The following FNDC1 variants were observed in gnomAD, a reference collection of about 807,000 sequenced individuals.
FNDC1 encodes the protein fibronectin type III domain-containing protein 1.
Under a neutral mutation model 168.0 loss-of-function variants are expected in FNDC1, and 96 were observed. That is an observed-to-expected ratio of 0.57 (90% confidence interval 0.48 to 0.68). FNDC1 has a LOEUF of 0.68. Among genes scored for constraint, FNDC1 ranks in the 30% least tolerant of loss-of-function variants. The pLI, the probability that FNDC1 is intolerant of heterozygous loss-of-function variation, is 0.00. For synonymous variants in FNDC1, 1,099 were observed against 1,025.9 expected (o/e 1.07, Z -1.36); for missense variants, 2,587 against 2,482.1 (o/e 1.04, Z -0.90).
intron 4 of FNDC1, among the ~76,000 whole-genome samples, chr6:159,207,352 C>T (rs1363168948): frequency 6.6e-6 from 1 of 152,224 alleles, no homozygotes; most frequent in African/African-American, 2.4e-5. Flanking sequence ...TGGGTGGTCC[C>T]TGCCTGTGCC....
At chr6:159,204,870 T>A (rs1415066192) in intron 4 of FNDC1, among the ~76,000 whole-genome samples, 2 of 152,334 alleles carry the variant, frequency 1.3e-5, no homozygotes, top group East Asian at 3.9e-4. Context: ...GTCACCACTG[T>A]GCTCCAGCCC....
Position 159,232,842 on chromosome 6 carries a change from T to C in FNDC1, c.2330T>C (p.Val777Ala). 6.2e-7 allele frequency: 1 copy of C among 1,613,870 alleles called. No individual in the cohort carries two copies. Among genetic ancestry groups the C allele is most frequent in the Non-Finnish European group, 8.5e-7 (1 of 1,179,884 alleles). Residue 777 changes from valine to alanine, a missense_variant, in exon 11 of 23, where the codon GTC becomes GCC. Physicochemically the swap from Val to Ala is moderately conservative, Grantham distance 64. Transcript: ENST00000297267. This position sits in a 1 kb window ranked among gnomAD's most constrained non-coding sequence, Gnocchi z 4.9. ...TCTCATCTCTCGTCCAGGACGCAGGTCTCTGAGGGAGCGGAGGCTTCTGAT... is the reference window on the plus strand; with the variant it reads ...TCTCATCTCTCGTCCAGGACGCAGGCCTCTGAGGGAGCGGAGGCTTCTGAT... ...VSSHLSSRTQ[V>A]SEGAEASDGE...
chr6:159,255,489 T>C (rs1310406418), intron 17 of FNDC1, among the ~76,000 whole-genome samples: 2 of 152,202 alleles, frequency 1.3e-5, no homozygotes, highest in African/African-American at 2.4e-5. Flanking sequence ...GCTGTGTCAT[T>C]CTGTTTCCCA....
At chr6:159,264,829 A>G (rs1777556593) in intron 19 of FNDC1, 146 bp from the exon 20 acceptor site, 1 of 620,192 alleles carries the variant, frequency 1.6e-6, no homozygotes, top group Non-Finnish European at 2.7e-6. Flanking sequence ...TTAGAAAATA[A>G]AACCAAGGAA....
rs1441707556 is a variant in FNDC1, at chr6:159,232,105, G to A, written c.1593G>A (p.Glu531=). The change falls in exon 11 of 23, where the codon GAG becomes GAA. Residue 531 remains glutamate, a synonymous_variant. Coordinates refer to ENST00000297267, the MANE Select transcript of FNDC1 (RefSeq NM_032532.3). This position sits in a 1 kb window ranked among gnomAD's most constrained non-coding sequence, Gnocchi z 4.9. ...CCCAGCTTCGCGCCAAGAAGGCAGA[G>A]GAGCTGGATCTTCAGTCGACAGAAA... ...RKPQLRAKKA[E]ELDLQSTEIT... is the part of the protein sequence containing the mutation. 1 of 1,613,914 alleles carries A rather than the reference G, an allele frequency of 6.2e-7. No individual in the cohort carries two copies. The highest frequency in any genetic ancestry group is 8.5e-7 in the Non-Finnish European group (1 of 1,179,856).
chr6:159,225,606 G>C lies in FNDC1; in HGVS notation c.956G>C (p.Arg319Pro). The C allele has an allele frequency of 6.2e-7, 1 of 1,613,924 alleles. No individual in the cohort carries two copies. Residue 319 changes from arginine (R) to proline (P), a missense_variant, in exon 8 of 23, where the codon CGT becomes CCT. By Grantham distance (103) the Arg-to-Pro change is moderately radical. Transcript: ENST00000297267. ...GATTATAAGCAGATCGCTAACAGGC[G>C]TGTGCTGATTGAGAACCTGATTCCA... The part of the protein sequence containing the change: ...RWDYKQIANR[R>P]VLIENLIPDT...
At chr6:159,265,425 G>A (rs1432073163) in intron 20 of FNDC1, among the ~76,000 whole-genome samples, 1 of 152,184 alleles carries the variant, frequency 6.6e-6, no homozygotes, top group African/African-American at 2.4e-5. Flanking sequence ...AGTCTATGCA[G>A]AGGGACCTGG....
rs1224868681 is a variant in FNDC1, at chr6:159,197,508, A to C, written c.187A>C (p.Lys63Gln). ...CCTGAAAGTCACGTGGGACCCACCC[A>C]AAGATGCTACCAGTAGACCTGTGGA... ...MGLKVTWDPPKDATSRPVEHY... is the reference protein window; with the variant it reads ...MGLKVTWDPPQDATSRPVEHY... Residue 63 changes from lysine to glutamine, a missense_variant, in exon 2 of 23, where the codon AAA (lysine) becomes CAA (glutamine). Lys to Gln is a moderately conservative substitution (Grantham distance 53). Transcript: ENST00000297267. 1 of 1,613,898 alleles carries C rather than the reference A, an allele frequency of 6.2e-7. No individual in the cohort carries two copies. The highest frequency in any genetic ancestry group is 2.2e-5 in the East Asian group (1 of 44,896).
rs756686674 is a variant in FNDC1, at chr6:159,233,020, C to A, written c.2508C>A (p.Ser836Arg). The change falls in exon 11 of 23, where the codon AGC becomes AGA. Residue 836 changes from serine to arginine, a missense_variant. By Grantham distance (110) the Ser-to-Arg change is moderately radical. Transcript: ENST00000297267. The surrounding 1 kb of genome is among the most constrained non-coding windows in gnomAD (Gnocchi z 4.6). ...AANGRSPSRF[S>R]IGRGPRLQPS... ...ACGGGAGGTCTCCAAGCAGGTTCAG[C>A]ATTGGGCGGGGACCTCGGCTGCAGC... 6.2e-7 allele frequency: 1 copy of A among 1,612,720 alleles called. No homozygotes were observed.
chr6:159,216,133 T>C (rs1782704931), intron 5 of FNDC1, among the ~76,000 whole-genome samples: 1 of 152,174 alleles, frequency 6.6e-6, no homozygotes, highest in South Asian at 2.1e-4. Flanking sequence ...AGCTGATTTT[T>C]GTATTTTTAG....
chr6:159,257,567 G>C (rs569882), intron 18 of FNDC1, among the ~76,000 whole-genome samples: 83,054 of 151,964 alleles, frequency 0.55, 25,756 homozygotes, highest in Middle Eastern at 0.7. Context: ...TTCTACACAG[G>C]CCGAGGAACA....
intron 4 of FNDC1, among the ~76,000 whole-genome samples, chr6:159,204,601 C>T (rs1441999724): frequency 6.6e-6 from 1 of 152,178 alleles, no homozygotes; most frequent in Non-Finnish European, 1.5e-5. Context: ...AGGTCTGCCC[C>T]CGTCATTTCA....
intron 15 of FNDC1, among the ~76,000 whole-genome samples, chr6:159,248,122 G>T (rs989840521): frequency 6.6e-6 from 1 of 152,188 alleles, no homozygotes; most frequent in Non-Finnish European, 1.5e-5. Flanking sequence ...AAGAAAAACA[G>T]CAGATGTTAG....
At chr6:159,250,223 G>A (rs1418623466) in intron 16 of FNDC1, among the ~76,000 whole-genome samples, 1 of 152,168 alleles carries the variant, frequency 6.6e-6, no homozygotes, top group Non-Finnish European at 1.5e-5. Context: ...TAAGACCCAT[G>A]GACAAGTTCT....
At chr6:159,267,777 A>T (rs1303925463) in intron 21 of FNDC1, 27 bp from the exon 22 acceptor site, 1 of 1,613,228 alleles carries the variant, frequency 6.2e-7, no homozygotes, top group Admixed American at 1.7e-5. Flanking sequence ...GTACCTAGTC[A>T]TGGACTCAAT....
chr6:159,227,954 T>G (rs2114983987), intron 9 of FNDC1, among the ~76,000 whole-genome samples: 1 of 152,370 alleles, frequency 6.6e-6, no homozygotes, highest in Non-Finnish European at 1.5e-5. Context: ...AATCATTCTT[T>G]TTACCACAAT....
intron 7 of FNDC1, among the ~76,000 whole-genome samples, chr6:159,223,934 A>T (rs1782899780): frequency 6.6e-6 from 1 of 152,036 alleles, no homozygotes; most frequent in Non-Finnish European, 1.5e-5. Flanking sequence ...CCTAGATTCC[A>T]TTTCTTTCTT....
chr6:159,179,090 A>G (rs1781829113), intron 1 of FNDC1, among the ~76,000 whole-genome samples: 1 of 152,186 alleles, frequency 6.6e-6, no homozygotes, highest in Non-Finnish European at 1.5e-5. Flanking sequence ...TGGTTCTGCA[A>G]TGTACGAGGC....
Position 159,234,124 on chromosome 6 carries a change from C to A in FNDC1, c.3612C>A (p.Pro1204=). 1 of 1,604,430 alleles carries A rather than the reference C, an allele frequency of 6.2e-7. No individual in the cohort carries two copies. The highest frequency in any genetic ancestry group is 8.5e-7 in the Non-Finnish European group (1 of 1,175,248). ...DLLSSSVPKW[P]SSSTPRGGKD... ...TGTCTTCCTCTGTGCCAAAGTGGCC[C>A]TCTTCCTCCACTCCCAGGGGCGGCA... Residue 1204 remains proline (P), a synonymous_variant, in exon 11 of 23, where the codon CCC becomes CCA. Coordinates refer to ENST00000297267, the MANE Select transcript of FNDC1 (RefSeq NM_032532.3).
Sources: gnomAD v4.1 joint callset for allele counts (sites outside exome capture counted in the v4.1 genomes callset) on GRCh38, gnomAD v4.1.1 for gene constraint, Gnocchi (gnomAD v3.1) non-coding constraint, MANE v1.5 for transcripts, NCBI Gene and HGNC (gene_info 2026-07-23, HGNC 2026-07-21) for gene names.